The following ANKRD11 variants were observed in gnomAD, a reference collection of about 807,000 sequenced individuals.
The protein encoded by ANKRD11 is ankyrin repeat domain-containing protein 11.
Under a neutral mutation model 195.7 loss-of-function variants are expected in ANKRD11, and 17 were observed. The ratio of observed to expected loss-of-function variants is 0.09; its 90% CI spans 0.06 to 0.13. The LOEUF (loss-of-function observed/expected upper bound fraction) is 0.13, where lower values mean the gene tolerates loss of function less well. ANKRD11 is among the 10% of genes least tolerant of loss of function. The pLI is 1.00. For missense variants in ANKRD11, 3,735 were observed against 3,566.1 expected (o/e 1.05, Z -1.21); for synonymous variants, 1,953 against 1,528.1 (o/e 1.28, Z -6.49).
chr16:89,310,673 A>G (rs139353857), intron 3 of ANKRD11, among the ~76,000 whole-genome samples: 85 of 152,282 alleles, frequency 5.6e-4, no homozygotes, highest in African/African-American at 1.7e-3. Flanking sequence ...CTTCGGTCAA[A>G]TTTACCCCAA....
intron 1 of ANKRD11, among the ~76,000 whole-genome samples, chr16:89,470,522 GT>G (rs368337254): frequency 0.51 from 77,418 of 151,336 alleles, 19,884 homozygotes; most frequent in Middle Eastern, 0.65. Flanking sequence ...AGAAAGGAGG[GT>G]AAATACTAAA....
chr16:89,285,372 A>C lies in ANKRD11; in HGVS notation c.1170T>G (p.Ser390Arg), dbSNP rs1486498219. The C allele has an allele frequency of 2.5e-6, 4 of 1,613,930 alleles. No individual in the cohort carries two copies. Among genetic ancestry groups the C allele is most frequent in the Non-Finnish European group, 3.4e-6 (4 of 1,179,978 alleles). Residue 390 changes from serine (S) to arginine (R), a missense_variant, in exon 9 of 13, where the codon AGT becomes AGG. Coordinates refer to ENST00000301030, the MANE Select transcript of ANKRD11 (RefSeq NM_013275.6). This position sits in a 1 kb window ranked among gnomAD's most constrained non-coding sequence, Gnocchi z 5.6. ...FISIPKMEVKSYTKNNTIAPK... is the reference protein window; with the variant it reads ...FISIPKMEVKRYTKNNTIAPK... ...GTGCAATCGTGTTATTTTTAGTGTA[A>C]CTTTTAACCTCCATTTTGGGTATAG...
intron 11 of ANKRD11, 81 bp downstream of exon 11, chr16:89,274,733 T>C (rs1178753003): frequency 3.1e-6 from 5 of 1,589,424 alleles, no homozygotes; most frequent in Non-Finnish European, 4.3e-6. Context: ...CTGGTCAAAG[T>C]GCAGAATCTA....
chr16:89,289,113 G>A (rs1240888174), intron 6 of ANKRD11: 2 of 268,632 alleles, frequency 7.4e-6, no homozygotes, highest in East Asian at 2.0e-4. Flanking sequence ...GGAGCTCCAG[G>A]GGCGCCCAGG....
intron 2 of ANKRD11, among the ~76,000 whole-genome samples, chr16:89,405,491 ATTTTTTTTTTTT>A (rs60792139): frequency 9.0e-6 from 1 of 111,458 alleles, no homozygotes; most frequent in East Asian, 2.5e-4. Flanking sequence ...CACCTGGCTC[ATTTTTTTTTTTT>A]TTTTTTTTTG....
chr16:89,489,260 A>C (rs761585434), intron 1 of ANKRD11: 3 of 152,294 alleles, frequency 2.0e-5, no homozygotes, highest in Non-Finnish European at 4.4e-5. Context: ...CACATACACC[A>C]CACACACAGC....
At chr16:89,347,926 A>G (rs1051360833) in intron 2 of ANKRD11, among the ~76,000 whole-genome samples, 1 of 151,824 alleles carries the variant, frequency 6.6e-6, no homozygotes, top group African/African-American at 2.4e-5. Context: ...CCTCATGAAT[A>G]GGTATGGGAT....
At chr16:89,304,101 G>T (rs1597544313) in intron 4 of ANKRD11, among the ~76,000 whole-genome samples, 1 of 152,224 alleles carries the variant, frequency 6.6e-6, no homozygotes, top group African/African-American at 2.4e-5. Flanking sequence ...TGACCAGGAG[G>T]ACAAGGAGGC....
rs771834566 is a variant in ANKRD11, at chr16:89,282,925, T to C, written c.3617A>G (p.Lys1206Arg). ...TGTGGACTCTTTATCCTTCTTCTCC[T>C]TGTGCTTTTCAAAGACTTTCTCTTT... ...DKKEKVFEKH[K>R]EKKDKESTEK... The change falls in exon 9 of 13, where the codon AAG (lysine) becomes AGG (arginine). Residue 1206 changes from lysine to arginine, a missense_variant. Physicochemically the swap from Lys to Arg is conservative, Grantham distance 26 (BLOSUM62 2). Coordinates refer to ENST00000301030, the MANE Select transcript of ANKRD11 (RefSeq NM_013275.6). The C allele has an allele frequency of 3.1e-6, 5 of 1,613,306 alleles. No homozygotes were observed. The East Asian group carries it at 1.1e-4, about 36-fold the overall frequency.
chr16:89,424,301 C>A (rs920175581), intron 1 of ANKRD11, among the ~76,000 whole-genome samples: 1 of 152,054 alleles, frequency 6.6e-6, no homozygotes, highest in African/African-American at 2.4e-5. Flanking sequence ...ATTAGCCAGG[C>A]GTGGTGGCGC....
chr16:89,389,998 G>A (rs1277199248), intron 2 of ANKRD11, among the ~76,000 whole-genome samples: 1 of 79,326 alleles, frequency 1.3e-5, no homozygotes, highest in Non-Finnish European at 2.4e-5. Flanking sequence ...AGCACCGAGA[G>A]AGAAGATCAC....
intron 1 of ANKRD11, among the ~76,000 whole-genome samples, chr16:89,445,142 G>A (rs1337455080): frequency 1.3e-5 from 2 of 152,238 alleles, no homozygotes; most frequent in African/African-American, 2.4e-5. Context: ...CACCTCAGAG[G>A]AGGCAAATGT....
At chr16:89,476,267 C>T (rs1368690053) in intron 1 of ANKRD11, among the ~76,000 whole-genome samples, 1 of 152,082 alleles carries the variant, frequency 6.6e-6, no homozygotes, top group Non-Finnish European at 1.5e-5. Context: ...ATCCCTAAAG[C>T]CACCTGTGAC....
chr16:89,388,360 G>C (rs2041021434), intron 2 of ANKRD11, among the ~76,000 whole-genome samples: 1 of 132,106 alleles, frequency 7.6e-6, no homozygotes, highest in Non-Finnish European at 1.5e-5. Context: ...TTGAACTCCT[G>C]ACCTCGTGAT....
intron 3 of ANKRD11, among the ~76,000 whole-genome samples, chr16:89,306,688 C>A (rs527290259): frequency 5.7e-5 from 1 of 17,578 alleles, no homozygotes; most frequent in African/African-American, 4.4e-4. Context: ...CCTCCCACTC[C>A]GCAGACACGT....
intron 6 of ANKRD11, 160 bp from the exon 7 acceptor site, chr16:89,288,830 G>C (rs1300047468): frequency 7.5e-5 from 70 of 934,130 alleles, no homozygotes; most frequent in South Asian, 6.1e-4. Flanking sequence ...TGCTGGCCCA[G>C]AGAACCCCTA....
chr16:89,412,863 C>G (rs2042153158), intron 2 of ANKRD11, among the ~76,000 whole-genome samples: 1 of 152,178 alleles, frequency 6.6e-6, no homozygotes, highest in Non-Finnish European at 1.5e-5. Context: ...CCAGCAGGAC[C>G]TCTCCATGCC....
intron 2 of ANKRD11, among the ~76,000 whole-genome samples, chr16:89,342,153 T>A (rs2038720265): frequency 6.6e-6 from 1 of 152,192 alleles, no homozygotes; most frequent in African/African-American, 2.4e-5. Context: ...CCCTTCTAGA[T>A]CTTGGCGTCT....
chr16:89,277,053 C>G (rs4785652), intron 9 of ANKRD11, among the ~76,000 whole-genome samples: 10,012 of 56,918 alleles, frequency 0.18, 599 homozygotes, highest in East Asian at 0.45. Context: ...GAGACTCTGT[C>G]TTAAAAAAAA....
Sources: allele counts gnomAD v4.1 joint callset (sites outside exome capture counted in the v4.1 genomes callset), GRCh38; gene constraint gnomAD v4.1.1; non-coding constraint Gnocchi (gnomAD v3.1); transcripts MANE v1.5; gene names NCBI Gene and HGNC (gene_info 2026-07-23, HGNC 2026-07-21).